AGAP1: variants seen among roughly 807,000 people sequenced by gnomAD.
AGAP1 encodes arf-GAP with GTPase, ANK repeat and PH domain-containing protein 1.
In AGAP1, 29 loss-of-function variants were observed where a neutral mutation model predicts 105.3. That is an observed-to-expected ratio of 0.28 (90% confidence interval 0.21 to 0.38). The LOEUF (loss-of-function observed/expected upper bound fraction) is 0.38. Among genes scored for constraint, AGAP1 ranks in the 10% least tolerant of loss-of-function variants. AGAP1 has a pLI of 1.00. For missense variants in AGAP1, 998 were observed against 1,165.1 expected (o/e 0.86, Z 2.09); for synonymous variants, 509 against 485.9 (o/e 1.05, Z -0.63).
At position 235,700,996 on chromosome 2, in the gene AGAP1, G is replaced by A. The variant is rs987998664; in HGVS notation, c.164-8183G>A. 1.4e-5 allele frequency among the ~76,000 whole-genome samples: 1 copy of A among 68,982 alleles called. No homozygotes were observed. Among genetic ancestry groups the A allele is most frequent in the Non-Finnish European group, 3.2e-5 (1 of 31,138 alleles). The allele number at this position is 68,982 out of a possible 152,430, so 45.3% of individuals were successfully genotyped here. A position where few individuals can be genotyped will look rare whatever the true frequency, so the allele number is the denominator to read the frequency against. On this transcript the variant is annotated intron_variant, in intron 1 of 17. Transcript: ENST00000304032. This position sits in a 1 kb window ranked among gnomAD's most constrained non-coding sequence, Gnocchi z 6.1. ...TATTATATATGTATATATTATATAT[G>A]CTATAATATAGTTATATGTATATAT...
In AGAP1 at chr2:235,596,318, GT is replaced by G. The variant is rs1237514194; in HGVS notation, c.163+101473del. 3.9e-5 allele frequency among the ~76,000 whole-genome samples: 6 copies of G among 152,336 alleles called. No individual in the cohort carries two copies. Among genetic ancestry groups the G allele is most frequent in the Admixed American group, 1.3e-4 (2 of 15,306 alleles). On this transcript the variant is annotated intron_variant, in intron 1 of 17. Coordinates refer to ENST00000304032, the MANE Select transcript of AGAP1 (RefSeq NM_001037131.3). The surrounding 1 kb of genome is among the most constrained non-coding windows in gnomAD (Gnocchi z 5.9). ...CCAGATGCCTGTGGGGCACTACAGAGTTTTGAGGAAATAGAGTCTCAGACTG... is the reference window on the plus strand; with the variant it reads ...CCAGATGCCTGTGGGGCACTACAGAGTTTGAGGAAATAGAGTCTCAGACTG...
At chr2:236,115,494 G>T (rs2059749100) in intron 16 of AGAP1, among the ~76,000 whole-genome samples, 1 of 152,204 alleles carries the variant, frequency 6.6e-6, no homozygotes, top group African/African-American at 2.4e-5. Flanking sequence ...CTGCCTTTGG[G>T]CATTGCAGAA....
At chr2:235,512,881 T>A (rs1236611031) in intron 1 of AGAP1, among the ~76,000 whole-genome samples, 1 of 152,164 alleles carries the variant, frequency 6.6e-6, no homozygotes, top group African/African-American at 2.4e-5. Flanking sequence ...TTTAAGTGCT[T>A]TGGATGTTAT....
At chr2:235,851,596 C>T (rs933708272) in intron 9 of AGAP1, among the ~76,000 whole-genome samples, 6 of 152,200 alleles carry the variant, frequency 3.9e-5, no homozygotes, top group South Asian at 4.2e-4. Flanking sequence ...AGCCGGCGAG[C>T]GCCAGGATGC....
At chr2:235,598,009 CGCTCCCGTGTTTCCTTTGTGTG>C (rs1945593518) in intron 1 of AGAP1, among the ~76,000 whole-genome samples, 1 of 130,952 alleles carries the variant, frequency 7.6e-6, no homozygotes, top group Admixed American at 7.2e-5. Context: ...AGCGTGCACG[CGCTCCCGTGTTTCCTTTGTGTG>C]GAGCGTGCAC....
intron 12 of AGAP1, among the ~76,000 whole-genome samples, chr2:235,954,706 T>C (rs999339445): frequency 1.3e-5 from 2 of 151,510 alleles, no homozygotes; most frequent in African/African-American, 4.9e-5. Context: ...CCCTTGTGAG[T>C]CCTTCAGGTT....
chr2:235,916,478 T>G (rs2051890945), intron 11 of AGAP1, among the ~76,000 whole-genome samples: 1 of 152,224 alleles, frequency 6.6e-6, no homozygotes, highest in African/African-American at 2.4e-5. Flanking sequence ...CAGAGTTGTA[T>G]TAGCTTCCAC....
chr2:235,856,039 G>A (rs1278544822), intron 9 of AGAP1, among the ~76,000 whole-genome samples: 1 of 151,862 alleles, frequency 6.6e-6, no homozygotes, highest in African/African-American at 2.4e-5. Flanking sequence ...TCGGCCTCTC[G>A]AGTAGCTGGA....
chr2:235,672,467 T>G (rs1472751219), intron 1 of AGAP1, among the ~76,000 whole-genome samples: 1 of 152,264 alleles, frequency 6.6e-6, no homozygotes, highest in African/African-American at 2.4e-5. Context: ...TTAACCTCCC[T>G]TGGAGCACTT....
chr2:235,649,415 T>C (rs1213489435), intron 1 of AGAP1, among the ~76,000 whole-genome samples: 1 of 152,242 alleles, frequency 6.6e-6, no homozygotes, highest in Non-Finnish European at 1.5e-5. Context: ...ACTCTACTGC[T>C]CAGGCTGGGG....
rs955315050 is a variant in AGAP1 at position 235,586,282 on chromosome 2, G to C, written c.163+91433G>C. ...AGAGAAGCCCGCTGCACTCTCCACTGACCAGACCACCCACTTTGCCCTCTG... is the reference window on the plus strand; with the variant it reads ...AGAGAAGCCCGCTGCACTCTCCACTCACCAGACCACCCACTTTGCCCTCTG... On this transcript the variant is annotated intron_variant, in intron 1 of 17. Transcript: ENST00000304032. This position sits in a 1 kb window ranked among gnomAD's most constrained non-coding sequence, Gnocchi z 4.2. Among the ~76,000 whole-genome samples the C allele has an allele frequency of 2.0e-5, 3 of 152,168 alleles. No individual in the cohort carries two copies. The highest frequency in any genetic ancestry group is 1.3e-4 in the Admixed American group (2 of 15,282).
chr2:235,525,187 T>C (rs187633904), intron 1 of AGAP1, among the ~76,000 whole-genome samples: 8 of 152,324 alleles, frequency 5.3e-5, no homozygotes, highest in Non-Finnish European at 7.3e-5. Flanking sequence ...ACTGGAGATA[T>C]TGATATGATC....
chr2:235,713,961 C>T (rs571638406), intron 2 of AGAP1, among the ~76,000 whole-genome samples: 6 of 152,236 alleles, frequency 3.9e-5, no homozygotes, highest in African/African-American at 7.2e-5. Context: ...TGCCACACCT[C>T]GTAATACAAT....
rs1009987088 is a variant in AGAP1, at chr2:235,725,951, A to G, written c.310+8307A>G. Among the ~76,000 whole-genome samples the G allele has an allele frequency of 2.4e-4, 36 of 152,234 alleles. No homozygotes were observed. The highest frequency in any genetic ancestry group is 3.3e-4 in the Admixed American group (5 of 15,284). On this transcript the variant is annotated intron_variant, in intron 3 of 17. Coordinates refer to ENST00000304032, the MANE Select transcript of AGAP1 (RefSeq NM_001037131.3). This position sits in a 1 kb window ranked among gnomAD's most constrained non-coding sequence, Gnocchi z 5.7. ...ATGTTCTGTTTCATTTTGAGCAAGA[A>G]AAAAAGCCGTAAAATCAGAATAAGG...
At chr2:235,911,758 T>C (rs2051630168) in intron 11 of AGAP1, among the ~76,000 whole-genome samples, 2 of 152,222 alleles carry the variant, frequency 1.3e-5, no homozygotes, top group Non-Finnish European at 1.5e-5. Flanking sequence ...TGCGACAAGA[T>C]TGAAATCCCT....
rs959389985 is a variant in AGAP1 at position 235,530,332 on chromosome 2, A to G, written c.163+35483A>G. ...GACTGTGCTTCCGCTTTAGATAGGTAGTAGTTACAAGGGCTTTCACGGGAG... is the reference window on the plus strand; with the variant it reads ...GACTGTGCTTCCGCTTTAGATAGGTGGTAGTTACAAGGGCTTTCACGGGAG... On this transcript the variant is annotated intron_variant, in intron 1 of 17. Transcript: ENST00000304032. Among the ~76,000 whole-genome samples, 3 of 152,178 alleles carry G rather than the reference A, an allele frequency of 2.0e-5. No individual in the cohort carries two copies. In the East Asian group the frequency reaches 5.8e-4, roughly 29 times the overall value.
In AGAP1 at chr2:235,550,471, A is replaced by G. The variant is rs751296986; in HGVS notation, c.163+55622A>G. On this transcript the variant is annotated intron_variant, in intron 1 of 17. Coordinates refer to ENST00000304032, the MANE Select transcript of AGAP1 (RefSeq NM_001037131.3). This position sits in a 1 kb window ranked among gnomAD's most constrained non-coding sequence, Gnocchi z 4.6. ...CTCTGCCTTCCTCTCCTCAAATGCC[A>G]TTCACAGCAGTGTCAGTGCCTGCCC... Among the ~76,000 whole-genome samples the G allele has an allele frequency of 3.9e-5, 6 of 152,142 alleles. No individual in the cohort carries two copies. The highest frequency in any genetic ancestry group is 8.8e-5 in the Non-Finnish European group (6 of 68,018).
chr2:235,939,873 T>C (rs2053178900), intron 12 of AGAP1, among the ~76,000 whole-genome samples: 1 of 152,170 alleles, frequency 6.6e-6, no homozygotes, highest in Non-Finnish European at 1.5e-5. Flanking sequence ...CTCTCTCCTG[T>C]CCTCCCTGCA....
At position 235,888,890 on chromosome 2, in the gene AGAP1, C is replaced by A. The variant is rs1226135390; in HGVS notation, c.1155+5441C>A. Among the ~76,000 whole-genome samples the A allele has an allele frequency of 6.6e-6, 1 of 152,160 alleles. No homozygotes were observed. The highest frequency in any genetic ancestry group is 1.5e-5 in the Non-Finnish European group (1 of 68,032). On this transcript the variant is annotated intron_variant, in intron 10 of 17. Coordinates refer to ENST00000304032, the MANE Select transcript of AGAP1 (RefSeq NM_001037131.3). This position sits in a 1 kb window ranked among gnomAD's most constrained non-coding sequence, Gnocchi z 4.8. ...AGTGGGGAGCTCTGGCTTTCAGTTCCTTTGCACACTGTGGAAGCAGGAGAC... is the reference window on the plus strand; with the variant it reads ...AGTGGGGAGCTCTGGCTTTCAGTTCATTTGCACACTGTGGAAGCAGGAGAC...
Sources: allele counts gnomAD v4.1 joint callset (sites outside exome capture counted in the v4.1 genomes callset), GRCh38; gene constraint gnomAD v4.1.1; non-coding constraint Gnocchi (gnomAD v3.1); transcripts MANE v1.5; gene names NCBI Gene and HGNC (gene_info 2026-07-23, HGNC 2026-07-21).